DAB1: variants seen among roughly 807,000 people sequenced by gnomAD.
DAB1 encodes disabled homolog 1.
DAB1 carries 15 observed loss-of-function variants against 64.6 expected under a neutral mutation model. That is an observed-to-expected ratio of 0.23 (90% confidence interval 0.16 to 0.36). The LOEUF is 0.36. DAB1 is among the 10% of genes least tolerant of loss of function. The pLI is 1.00. For missense variants in DAB1, 596 were observed against 706.7 expected (o/e 0.84, Z 1.78); for synonymous variants, 235 against 251.9 (o/e 0.93, Z 0.64).
At chr1:58,149,370 G>T (rs912131266) in intron 5 of DAB1, among the ~76,000 whole-genome samples, 19 of 152,174 alleles carry the variant, frequency 1.2e-4, no homozygotes, top group African/African-American at 4.6e-4. Flanking sequence ...AAGAAGGAAA[G>T]ACTTTATTCT....
intron 5 of DAB1, among the ~76,000 whole-genome samples, chr1:57,954,826 A>C (rs1645354819): frequency 6.6e-6 from 1 of 152,090 alleles, no homozygotes; most frequent in Admixed American, 6.5e-5. Flanking sequence ...TGTGGTTTAT[A>C]GAGTGCCTTC....
chr1:57,958,422 G>T (rs566399119), intron 5 of DAB1, among the ~76,000 whole-genome samples: 1 of 152,288 alleles, frequency 6.6e-6, no homozygotes, highest in South Asian at 2.1e-4. Flanking sequence ...GCACCACAGT[G>T]AATACAACCA....
At chr1:58,150,684 T>C (rs1361420065) in intron 4 of DAB1, 2 of 151,516 alleles carry the variant, frequency 1.3e-5, no homozygotes, top group Admixed American at 6.6e-5. Flanking sequence ...AATAAGACCA[T>C]AGTTTTTTGG....
intron 7 of DAB1, among the ~76,000 whole-genome samples, chr1:57,569,917 T>A (rs767323003): frequency 1.6e-4 from 24 of 152,164 alleles, no homozygotes; most frequent in Admixed American, 2.6e-4. Context: ...TTATGTTAGG[T>A]GCAATTACAA....
chr1:57,869,387 T>A (rs1422771080), intron 1 of DAB1, among the ~76,000 whole-genome samples: 1 of 151,972 alleles, frequency 6.6e-6, no homozygotes, highest in Non-Finnish European at 1.5e-5. Context: ...TCAAGGTCAA[T>A]GCCTGATAAA....
intron 3 of DAB1, among the ~76,000 whole-genome samples, chr1:58,474,545 G>C (rs987309577): frequency 4.6e-5 from 7 of 152,150 alleles, no homozygotes; most frequent in African/African-American, 1.7e-4. Flanking sequence ...CCTAACTCCT[G>C]TGTTGCCAAG....
intron 4 of DAB1, among the ~76,000 whole-genome samples, chr1:58,313,854 T>TGAGAGA (rs1553174583): frequency 8.5e-6 from 1 of 117,820 alleles, no homozygotes; most frequent in African/African-American, 2.8e-5. Context: ...TGTGTGTGTG[T>TGAGAGA]GTGAGAGAGA....
intron 1 of DAB1, among the ~76,000 whole-genome samples, chr1:57,856,328 C>G (rs1016338273): frequency 3.3e-5 from 5 of 152,180 alleles, no homozygotes; most frequent in Non-Finnish European, 7.3e-5. Context: ...TGATGGGCTG[C>G]AATCCCTGTA....
At chr1:58,255,631 C>G (rs1202500105) in intron 4 of DAB1, among the ~76,000 whole-genome samples, 4 of 152,190 alleles carry the variant, frequency 2.6e-5, no homozygotes, top group Admixed American at 2.6e-4. Context: ...TGTGCCTAAT[C>G]TCTACTAGAG....
chr1:57,714,458 A>T (rs1647061720), intron 6 of DAB1, among the ~76,000 whole-genome samples: 1 of 152,226 alleles, frequency 6.6e-6, no homozygotes, highest in Non-Finnish European at 1.5e-5. Flanking sequence ...AGTGCTGTTC[A>T]TAAAACAGGG....
chr1:58,194,000 GGAA>G (rs1392053604), intron 4 of DAB1, among the ~76,000 whole-genome samples: 1 of 152,160 alleles, frequency 6.6e-6, no homozygotes, highest in African/African-American at 2.4e-5. Flanking sequence ...ATGAACAAAG[GGAA>G]GAAGAAGACG....
At chr1:57,421,378 A>T (rs1301896607) in intron 1 of DAB1, among the ~76,000 whole-genome samples, 2 of 152,216 alleles carry the variant, frequency 1.3e-5, no homozygotes, top group Non-Finnish European at 2.9e-5. Flanking sequence ...AGATATGCCT[A>T]TTCAGACCTC....
chr1:57,385,375 A>G (rs1056477707), intron 1 of DAB1, among the ~76,000 whole-genome samples: 2 of 152,200 alleles, frequency 1.3e-5, no homozygotes, highest in African/African-American at 4.8e-5. Context: ...GTGTAAAGCA[A>G]GAAGACGTGT....
intron 6 of DAB1, among the ~76,000 whole-genome samples, chr1:57,660,105 CA>C (rs1341916016): frequency 6.6e-6 from 1 of 151,874 alleles, no homozygotes; most frequent in Non-Finnish European, 1.5e-5. Flanking sequence ...GAATGCATTA[CA>C]ATATTCCAGT....
chr1:57,349,909 C>T (rs542672039), intron 1 of DAB1, among the ~76,000 whole-genome samples: 2 of 152,306 alleles, frequency 1.3e-5, no homozygotes, highest in South Asian at 4.1e-4. Context: ...ATCTCACCAT[C>T]AAGTGGCCAT....
intron 1 of DAB1, among the ~76,000 whole-genome samples, chr1:57,851,643 T>C (rs1297613938): frequency 6.6e-6 from 1 of 152,228 alleles, no homozygotes; most frequent in Non-Finnish European, 1.5e-5. Flanking sequence ...TCTTCCTATG[T>C]GACATTTTGC....
intron 1 of DAB1, among the ~76,000 whole-genome samples, chr1:57,860,109 T>C (rs991228129): frequency 1.3e-5 from 2 of 152,212 alleles, no homozygotes; most frequent in African/African-American, 2.4e-5. Context: ...GAATTACTAA[T>C]ACAGGATATG....
Position 58,006,218 on chromosome 1 carries a change from C to A in DAB1, n.388-122056G>T, listed in dbSNP as rs76085204. On this transcript the variant is annotated intron_variant and non_coding_transcript_variant, in intron 5 of 20. Transcript: ENST00000485760. ...CAATTTAACATTGTTGAGACTCTAT[C>A]ATGTGAGATAAAAAGACACTAGAAT... is the stretch of plus-strand genomic sequence containing the variant. Among the ~76,000 whole-genome samples, 720 of 152,282 alleles carry A rather than the reference C, an allele frequency of 4.7e-3. 8 individuals carry two copies. The highest frequency in any genetic ancestry group is 0.017 in the African/African-American group (694 of 41,556).
At chr1:57,680,567 T>C (rs1646624444) in intron 6 of DAB1, among the ~76,000 whole-genome samples, 1 of 152,188 alleles carries the variant, frequency 6.6e-6, no homozygotes, top group Non-Finnish European at 1.5e-5. Context: ...ATCACATCAC[T>C]TCATCACTCC....
Sources: allele counts gnomAD v4.1 joint callset (sites outside exome capture counted in the v4.1 genomes callset), GRCh38; gene constraint gnomAD v4.1.1; transcripts MANE v1.5; gene names NCBI Gene and HGNC (gene_info 2026-07-23, HGNC 2026-07-21).